The following MAP3K5 variants were observed in gnomAD, a reference collection of about 807,000 sequenced individuals.
MAP3K5 encodes the protein mitogen-activated protein kinase kinase kinase 5.
Under a neutral mutation model 158.7 loss-of-function variants are expected in MAP3K5, and 56 were observed. The ratio of observed to expected loss-of-function variants is 0.35; its 90% CI spans 0.28 to 0.44. The LOEUF is 0.44. MAP3K5 is among the 20% of genes least tolerant of loss of function. The pLI is 1.00. For missense variants in MAP3K5, 1,294 were observed against 1,674.8 expected (o/e 0.77, Z 3.97); for synonymous variants, 579 against 601.7 (o/e 0.96, Z 0.55).
intron 1 of MAP3K5, among the ~76,000 whole-genome samples, chr6:136,746,532 T>C (rs1034481216): frequency 6.6e-6 from 1 of 152,190 alleles, no homozygotes; most frequent in Non-Finnish European, 1.5e-5. Flanking sequence ...GAAAGTGGTA[T>C]GCATTTTAAT....
chr6:136,750,820 C>T (rs758284717), intron 1 of MAP3K5, among the ~76,000 whole-genome samples: 8 of 152,224 alleles, frequency 5.3e-5, no homozygotes, highest in Non-Finnish European at 1.2e-4. Flanking sequence ...ACACAATTGT[C>T]TCCTGCTCCT....
intron 3 of MAP3K5, 55 bp downstream of exon 3, chr6:136,705,055 G>T: frequency 1.2e-6 from 1 of 843,660 alleles, no homozygotes; most frequent in East Asian, 2.9e-5. Flanking sequence ...CCAAAGATTA[G>T]TTAATGGAAA....
chr6:136,767,656 A>T (rs567742209), intron 1 of MAP3K5, among the ~76,000 whole-genome samples: 1 of 152,318 alleles, frequency 6.6e-6, no homozygotes, highest in East Asian at 1.9e-4. Flanking sequence ...AATAGGAGGA[A>T]GATCTAACTG....
chr6:136,634,019 T>A lies in MAP3K5; in HGVS notation c.2016+3306A>T, dbSNP rs542106809. Among the ~76,000 whole-genome samples, 11 of 152,360 alleles carry A rather than the reference T, an allele frequency of 7.2e-5. No homozygotes were observed. The East Asian group carries it at 1.9e-3, about 27-fold the overall frequency. On this transcript the variant is annotated intron_variant, in intron 14 of 29. Transcript: ENST00000359015. ...CAGATGATCTCTAAAGTCATTCTTT[T>A]TGTTTCCACTGTAAAGAATGGGAAG... is the stretch of plus-strand genomic sequence containing the variant.
chr6:136,606,988 A>G (rs1037620508), intron 18 of MAP3K5, among the ~76,000 whole-genome samples: 2 of 152,214 alleles, frequency 1.3e-5, no homozygotes, highest in Non-Finnish European at 2.9e-5. Context: ...GCAGTAGTTC[A>G]CGCTAACATA....
At chr6:136,761,110 G>T (rs991072373) in intron 1 of MAP3K5, among the ~76,000 whole-genome samples, 4 of 152,078 alleles carry the variant, frequency 2.6e-5, no homozygotes, top group African/African-American at 9.7e-5. Context: ...ATCTGCTGGT[G>T]CCTTGATCAT....
At chr6:136,677,169 G>A (rs1412303076) in intron 7 of MAP3K5, among the ~76,000 whole-genome samples, 3 of 126,874 alleles carry the variant, frequency 2.4e-5, no homozygotes, top group African/African-American at 6.5e-5. Flanking sequence ...GCAGAGTGTC[G>A]CTCTGTTGCT....
chr6:136,584,840 C>A (rs1221174147), intron 23 of MAP3K5, among the ~76,000 whole-genome samples: 1 of 152,186 alleles, frequency 6.6e-6, no homozygotes, highest in Admixed American at 6.5e-5. Context: ...CGGCTAGGCA[C>A]TATGATTGGA....
intron 3 of MAP3K5, 29 bp from the exon 4 acceptor site, chr6:136,698,711 G>A (rs1583438426): frequency 1.3e-6 from 2 of 1,575,340 alleles, no homozygotes; most frequent in East Asian, 4.5e-5. Context: ...TCGGCAAGTG[G>A]GGAGCTGGCC....
At chr6:136,789,822 A>G (rs1377008669) in intron 1 of MAP3K5, among the ~76,000 whole-genome samples, 2 of 151,510 alleles carry the variant, frequency 1.3e-5, no homozygotes, top group Non-Finnish European at 2.9e-5. Context: ...CTGAGTAGCT[A>G]GGACTACAGG....
intron 11 of MAP3K5, among the ~76,000 whole-genome samples, chr6:136,648,365 T>G (rs1490765420): frequency 3.9e-5 from 6 of 152,218 alleles, no homozygotes; most frequent in Non-Finnish European, 8.8e-5. Flanking sequence ...AAATTTTGGA[T>G]GTAGCCAGTC....
chr6:136,687,530 C>A (rs1429924157), intron 7 of MAP3K5, among the ~76,000 whole-genome samples: 2 of 151,462 alleles, frequency 1.3e-5, no homozygotes, highest in African/African-American at 2.4e-5. Flanking sequence ...ATCCATTTGA[C>A]AAAGGGCTAA....
intron 15 of MAP3K5, among the ~76,000 whole-genome samples, chr6:136,616,502 AC>A (rs1776571931): frequency 6.6e-6 from 1 of 151,534 alleles, no homozygotes; most frequent in South Asian, 2.1e-4. Context: ...ACGGAGTTTC[AC>A]CATGTTGGCC....
At chr6:136,671,196 A>C (rs1365153211) in intron 7 of MAP3K5, among the ~76,000 whole-genome samples, 1 of 152,222 alleles carries the variant, frequency 6.6e-6, no homozygotes, top group Non-Finnish European at 1.5e-5. Flanking sequence ...AAAGATATGA[A>C]AAGGAAGATG....
At chr6:136,757,714 G>A (rs1024412193) in intron 1 of MAP3K5, among the ~76,000 whole-genome samples, 1 of 151,248 alleles carries the variant, frequency 6.6e-6, no homozygotes, top group Non-Finnish European at 1.5e-5. Context: ...AGCCTCACAA[G>A]TAGCTGGGAT....
intron 1 of MAP3K5, among the ~76,000 whole-genome samples, chr6:136,736,184 G>C (rs1232015771): frequency 6.6e-6 from 1 of 152,086 alleles, no homozygotes; most frequent in Non-Finnish European, 1.5e-5. Flanking sequence ...TAAGAAGTGT[G>C]GGTGAGCGCC....
intron 26 of MAP3K5, among the ~76,000 whole-genome samples, chr6:136,566,542 C>T (rs1447412882): frequency 1.3e-5 from 2 of 152,144 alleles, no homozygotes; most frequent in African/African-American, 2.4e-5. Context: ...ATGAGGGAAA[C>T]CAAGATTTCC....
intron 8 of MAP3K5, among the ~76,000 whole-genome samples, chr6:136,667,140 A>C (rs1448193223): frequency 6.6e-6 from 1 of 152,244 alleles, no homozygotes. Context: ...GCAACAATTT[A>C]GAGGCTTCAA....
chr6:136,765,551 C>T (rs964995014), intron 1 of MAP3K5, among the ~76,000 whole-genome samples: 6 of 151,796 alleles, frequency 4.0e-5, no homozygotes, highest in Admixed American at 2.0e-4. Context: ...CTCGCTCTGT[C>T]GCCCAGGCTG....
Sources: allele counts gnomAD v4.1 joint callset (sites outside exome capture counted in the v4.1 genomes callset), GRCh38; gene constraint gnomAD v4.1.1; transcripts MANE v1.5; gene names NCBI Gene and HGNC (gene_info 2026-07-23, HGNC 2026-07-21).